Variants in ZBED5 observed in about 807,000 individuals in gnomAD.
ZBED5 encodes the protein zinc finger BED domain-containing protein 5.
A neutral mutation model predicts 49.2 loss-of-function variants in ZBED5; 29 were observed. The observed-to-expected ratio is 0.59, with a 90% CI of 0.44 to 0.80. The LOEUF is 0.80. Among genes scored for constraint, ZBED5 ranks in the 30% least tolerant of loss-of-function variants. The pLI, the probability that ZBED5 is intolerant of heterozygous loss-of-function variation, is 0.00. For missense variants in ZBED5, 775 were observed against 812.9 expected (o/e 0.95, Z 0.57); for synonymous variants, 281 against 292.5 (o/e 0.96, Z 0.40).
In ZBED5 at chr11:10,853,711, AAT is replaced by A; in HGVS notation, c.1233_1234del (p.Leu412LysfsTer5). On this transcript the variant is annotated frameshift_variant, in exon 3 of 3. Transcript: ENST00000413761. LOFTEE classifies it high-confidence loss of function. This position sits in a 1 kb window ranked among gnomAD's most constrained non-coding sequence, Gnocchi z 5.4. ...ACCCATTTCCTCACATAAAATTTTTAATAGTCTGGATTGATGTGGTCGAGCTT... is the reference window on the plus strand; with the variant it reads ...ACCCATTTCCTCACATAAAATTTTTAAGTCTGGATTGATGTGGTCGAGCTT... 6.4e-7 allele frequency: 1 copy of A among 1,551,632 alleles called. No homozygotes were observed. Among genetic ancestry groups the A allele is most frequent in the East Asian group, 2.4e-5 (1 of 40,916 alleles).
chr11:10,853,259 A>G lies in ZBED5; in HGVS notation c.1687T>C (p.Tyr563His). ...TTATTGTCATTTGTTACAGGAAAGTATTTTAACAGAGTAGCGCGCAAACCC... is the reference window on the plus strand; with the variant it reads ...TTATTGTCATTTGTTACAGGAAAGTGTTTTAACAGAGTAGCGCGCAAACCC... ...LRGLRATLLK[Y>H]FPVTNDNNAW... The change falls in exon 3 of 3, where the codon TAC (tyrosine) becomes CAC (histidine). Residue 563 changes from tyrosine (Y) to histidine (H), a missense_variant. By Grantham distance (83) the Tyr-to-His change is moderately conservative (BLOSUM62 2). Coordinates refer to ENST00000413761, the MANE Select transcript of ZBED5 (RefSeq NM_001143667.2). The surrounding 1 kb of genome is among the most constrained non-coding windows in gnomAD (Gnocchi z 5.4). 2 of 1,551,600 alleles carry G rather than the reference A, an allele frequency of 1.3e-6. No homozygotes were observed. Among genetic ancestry groups the G allele is most frequent in the Non-Finnish European group, 1.7e-6 (2 of 1,146,894 alleles).
rs1375242934 is a variant in ZBED5 at position 10,855,445 on chromosome 11, A to G, written c.-141-359T>C. 1.3e-5 allele frequency among the ~76,000 whole-genome samples: 2 copies of G among 152,210 alleles called. No homozygotes were observed. Among genetic ancestry groups the G allele is most frequent in the Non-Finnish European group, 2.9e-5 (2 of 68,034 alleles). On this transcript the variant is annotated intron_variant, in intron 2 of 2. Coordinates refer to ENST00000413761, the MANE Select transcript of ZBED5 (RefSeq NM_001143667.2). The surrounding 1 kb of genome is among the most constrained non-coding windows in gnomAD (Gnocchi z 4.1). Reference sequence around the variant, plus strand: ...TGACAGCAGCCATAGACAATACATGAAAGAATGGACACAGGTGTGTTCCAA... The same window carrying G: ...TGACAGCAGCCATAGACAATACATGGAAGAATGGACACAGGTGTGTTCCAA...
Position 10,854,030 on chromosome 11 carries a change from G to A in ZBED5, c.916C>T (p.Leu306Phe), listed in dbSNP as rs1204581092. 1.3e-6 allele frequency: 2 copies of A among 1,551,234 alleles called. No homozygotes were observed. Among genetic ancestry groups the A allele is most frequent in the African/African-American group, 1.4e-5 (1 of 72,910 alleles). The change falls in exon 3 of 3, where the codon CTC (leucine) becomes TTC (phenylalanine). Residue 306 changes from leucine to phenylalanine, a missense_variant. Coordinates refer to ENST00000413761, the MANE Select transcript of ZBED5 (RefSeq NM_001143667.2). This position sits in a 1 kb window ranked among gnomAD's most constrained non-coding sequence, Gnocchi z 5.0. ...TTACTTTGCAAAGATTCACACAGGA[G>A]TAGGTCTTCCTCAATAGACTTATTA... is the stretch of plus-strand genomic sequence containing the variant. ...RFNKSIEEDLLLCESLQSNAT... is the reference protein window; with the variant it reads ...RFNKSIEEDLFLCESLQSNAT...
Position 10,855,107 on chromosome 11 carries a change from TA to T in ZBED5, c.-141-22del. 1.2e-6 allele frequency: 1 copy of T among 805,238 alleles called. No individual in the cohort carries two copies. Among genetic ancestry groups the T allele is most frequent in the Non-Finnish European group, 1.9e-6 (1 of 536,764 alleles). The allele number at this position is 805,238 out of a possible 1,614,324, so 49.9% of individuals were successfully genotyped here. A position where few individuals can be genotyped will look rare whatever the true frequency, so the allele number is the denominator to read the frequency against. Reference sequence around the variant, plus strand: ...CTTTTCTTAAAGGTAGATTATCACATAAAAATAAAAGCTATAGAAATGAGTT... The same window carrying T: ...CTTTTCTTAAAGGTAGATTATCACATAAAATAAAAGCTATAGAAATGAGTT... On this transcript the variant is annotated intron_variant, in intron 2 of 2. Transcript: ENST00000413761. This position sits in a 1 kb window ranked among gnomAD's most constrained non-coding sequence, Gnocchi z 4.1.
In ZBED5 at chr11:10,853,604, G is replaced by A. The variant is rs1347817128; in HGVS notation, c.1342C>T (p.Arg448Cys). Residue 448 changes from arginine (R) to cysteine (C), a missense_variant, in exon 3 of 3, where the codon CGT becomes TGT. Coordinates refer to ENST00000413761, the MANE Select transcript of ZBED5 (RefSeq NM_001143667.2). The surrounding 1 kb of genome is among the most constrained non-coding windows in gnomAD (Gnocchi z 5.4). ...TCCATGAAAACCAAAAGTTCACGAC[G>A]AAGTTCAAAAAGTCTTACAAGAACT... ...GKVLVRLFEL[R>C]RELLVFMDSA... The A allele has an allele frequency of 6.4e-7, 1 of 1,551,082 alleles. No individual in the cohort carries two copies. Among genetic ancestry groups the A allele is most frequent in the South Asian group, 1.2e-5 (1 of 83,976 alleles).
Position 10,854,872 on chromosome 11 carries a change from A to C in ZBED5, c.74T>G (p.Leu25Ter). 6.4e-7 allele frequency: 1 copy of C among 1,551,842 alleles called. No homozygotes were observed. The highest frequency in any genetic ancestry group is 8.7e-7 in the Non-Finnish European group (1 of 1,146,960). Reference sequence around the variant, plus strand: ...TGAGTTTGTGGTACAAAACATGGTTAATTTAGAATAGACATTGAGTATCGC... The same window carrying C: ...TGAGTTTGTGGTACAAAACATGGTTCATTTAGAATAGACATTGAGTATCGC... ...TFAILNVYSK[L>*]TMFCTTNSLP... Residue 25 changes from leucine (L) to a stop codon, truncating the protein, a stop_gained, in exon 3 of 3, where the codon TTA becomes TGA. Coordinates refer to ENST00000413761, the MANE Select transcript of ZBED5 (RefSeq NM_001143667.2). LOFTEE classifies it high-confidence loss of function. This position sits in a 1 kb window ranked among gnomAD's most constrained non-coding sequence, Gnocchi z 5.0.
At position 10,854,956 on chromosome 11, in the gene ZBED5, A is replaced by T. The variant is rs535858854; in HGVS notation, c.-11T>A. The T allele has an allele frequency of 7.8e-6, 12 of 1,544,228 alleles. No homozygotes were observed. In the East Asian group the frequency reaches 2.9e-4, roughly 38 times the overall value. ...AAGAGGAGCAATCATCAAAGAGATG[A>T]TATACAGCAACACATCAGTTAATTT... On this transcript the variant is annotated 5_prime_UTR_variant, in exon 3 of 3. Transcript: ENST00000413761. The surrounding 1 kb of genome is among the most constrained non-coding windows in gnomAD (Gnocchi z 5.0).
rs1412050476 is a variant in ZBED5 at position 10,853,940 on chromosome 11, C to T, written c.1006G>A (p.Glu336Lys). The T allele has an allele frequency of 1.3e-6, 2 of 1,551,544 alleles. No individual in the cohort carries two copies. The highest frequency in any genetic ancestry group is 2.7e-5 in the African/African-American group (2 of 73,144). The change falls in exon 3 of 3, where the codon GAA becomes AAA. Residue 336 changes from glutamate (E) to lysine (K), a missense_variant. Transcript: ENST00000413761. This position sits in a 1 kb window ranked among gnomAD's most constrained non-coding sequence, Gnocchi z 5.4. ...SFMQKHEIEW[E>K]KCVDVCSDAS... ...TCACTACAAACATCAACACATTTTT[C>T]CCATTCAATTTCATGTTTCTGCATA...
rs779339412 is a variant in ZBED5 at position 10,854,346 on chromosome 11, T to C, written c.600A>G (p.Val200=). 1.8e-5 allele frequency: 28 copies of C among 1,550,762 alleles called. No individual in the cohort carries two copies. In the South Asian group the frequency reaches 3.0e-4, roughly 16 times the overall value. Residue 200 remains valine, a synonymous_variant, in exon 3 of 3, where the codon GTA becomes GTG. Coordinates refer to ENST00000413761, the MANE Select transcript of ZBED5 (RefSeq NM_001143667.2). This position sits in a 1 kb window ranked among gnomAD's most constrained non-coding sequence, Gnocchi z 5.0. The part of the protein sequence containing the change: ...NESATEASYN[V]SYHIALSGEA... ...CTCCACTCAGCGCTATATGGTAACT[T>C]ACATTGTATGATGCTTCTGTAGCAC... is the stretch of plus-strand genomic sequence containing the variant.
chr11:10,852,997 T>C lies in ZBED5; in HGVS notation c.1949A>G (p.Tyr650Cys). ...TMHLCETGFS[Y>C]YAATKTKYRK... ...ATATTTTGTTTTTGTTGCAGCGTAA[T>C]ATGAAAACCCCGTTTCACACAGGTG... The change falls in exon 3 of 3, where the codon TAT (tyrosine) becomes TGT (cysteine). Residue 650 changes from tyrosine (Y) to cysteine (C), a missense_variant. Coordinates refer to ENST00000413761, the MANE Select transcript of ZBED5 (RefSeq NM_001143667.2). The C allele has an allele frequency of 3.2e-6, 5 of 1,551,670 alleles. No homozygotes were observed. The highest frequency in any genetic ancestry group is 1.2e-5 in the South Asian group (1 of 84,062).
Position 10,855,119 on chromosome 11 carries a change from C to A in ZBED5, c.-141-33G>T. On this transcript the variant is annotated intron_variant, in intron 2 of 2. Coordinates refer to ENST00000413761, the MANE Select transcript of ZBED5 (RefSeq NM_001143667.2). The surrounding 1 kb of genome is among the most constrained non-coding windows in gnomAD (Gnocchi z 4.1). ...GTAGATTATCACATAAAAATAAAAGCTATAGAAATGAGTTTAGCAGTCTTA... is the reference window on the plus strand; with the variant it reads ...GTAGATTATCACATAAAAATAAAAGATATAGAAATGAGTTTAGCAGTCTTA... 2.6e-6 allele frequency: 2 copies of A among 763,844 alleles called. No individual in the cohort carries two copies. The highest frequency in any genetic ancestry group is 4.0e-6 in the Non-Finnish European group (2 of 501,880). The allele number at this position is 763,844 out of a possible 1,614,324, so 47.3% of individuals were successfully genotyped here.
chr11:10,853,210 G>A lies in ZBED5; in HGVS notation c.1736C>T (p.Thr579Ile), dbSNP rs1424796000. The change falls in exon 3 of 3, where the codon ACA becomes ATA. Residue 579 changes from threonine to isoleucine, a missense_variant. Coordinates refer to ENST00000413761, the MANE Select transcript of ZBED5 (RefSeq NM_001143667.2). The surrounding 1 kb of genome is among the most constrained non-coding windows in gnomAD (Gnocchi z 5.4). Reference sequence around the variant, plus strand: ...TAATGAAGCTGGTTTAACAGTAACTGTAAATGGATTTCTAACCCAAGCATT... The same window carrying A: ...TAATGAAGCTGGTTTAACAGTAACTATAAATGGATTTCTAACCCAAGCATT... ...DNNAWVRNPF[T>I]VTVKPASLVA... is the part of the protein sequence containing the mutation. The A allele has an allele frequency of 1.9e-6, 3 of 1,551,568 alleles. No homozygotes were observed. The highest frequency in any genetic ancestry group is 2.6e-6 in the Non-Finnish European group (3 of 1,146,896).
In ZBED5 at chr11:10,858,023, T is replaced by G. The variant is rs1164101703; in HGVS notation, c.-417A>C. The G allele has an allele frequency of 3.3e-6, 1 of 302,216 alleles. No homozygotes were observed. Among genetic ancestry groups the G allele is most frequent in the East Asian group, 5.4e-5 (1 of 18,674 alleles). The allele number at this position is 302,216 out of a possible 1,614,324, so 18.7% of individuals were successfully genotyped here. On this transcript the variant is annotated 5_prime_UTR_variant, in exon 1 of 3. Transcript: ENST00000413761. The stretch of plus-strand genomic sequence containing the variant: ...ATCGCCTAGGCCATCTCCATAGAGA[T>G]CCGATTCGCGGCTGGCGCGGTCGCC...
chr11:10,855,837 A>G lies in ZBED5; in HGVS notation c.-142+307T>C, dbSNP rs947260832. 2 of 152,182 alleles carry G rather than the reference A, an allele frequency of 1.3e-5. No individual in the cohort carries two copies. Among genetic ancestry groups the G allele is most frequent in the Non-Finnish European group, 2.9e-5 (2 of 68,028 alleles). The allele number at this position is 152,182 out of a possible 1,614,324, so 9.4% of individuals were successfully genotyped here. ...ATGAAAGTAATGTATATTTTTACAGATAACTCTGCATTCTATTTATACAAC... is the reference window on the plus strand; with the variant it reads ...ATGAAAGTAATGTATATTTTTACAGGTAACTCTGCATTCTATTTATACAAC... On this transcript the variant is annotated intron_variant, in intron 2 of 2. Coordinates refer to ENST00000413761, the MANE Select transcript of ZBED5 (RefSeq NM_001143667.2). The surrounding 1 kb of genome is among the most constrained non-coding windows in gnomAD (Gnocchi z 4.1).
In ZBED5 at chr11:10,853,734, A is replaced by G. The variant is rs1309907341; in HGVS notation, c.1212T>C (p.Ala404=). 6.4e-7 allele frequency: 1 copy of G among 1,551,596 alleles called. No homozygotes were observed. Among genetic ancestry groups the G allele is most frequent in the South Asian group, 1.2e-5 (1 of 84,050 alleles). Residue 404 remains alanine (A), a synonymous_variant, in exon 3 of 3, where the codon GCT becomes GCC. Transcript: ENST00000413761. This position sits in a 1 kb window ranked among gnomAD's most constrained non-coding sequence, Gnocchi z 5.4. ...TTAATAGTCTGGATTGATGTGGTCG[A>G]GCTTTAATATAATTGATGATTTGTA... The part of the protein sequence containing the change: ...QAVQIINYIK[A]RPHQSRLLKI...
rs1848196433 is a variant in ZBED5 at position 10,857,329 on chromosome 11, T to C, written c.-256+533A>G. The stretch of plus-strand genomic sequence containing the variant: ...GAAGAGCGGGGAAAACTTCCGTCTT[T>C]AGTCTCCTTCCGGTTAAACTGACAA... On this transcript the variant is annotated intron_variant, in intron 1 of 2. Coordinates refer to ENST00000413761, the MANE Select transcript of ZBED5 (RefSeq NM_001143667.2). The surrounding 1 kb of genome is among the most constrained non-coding windows in gnomAD (Gnocchi z 6.3). 1.3e-5 allele frequency: 2 copies of C among 152,230 alleles called. No individual in the cohort carries two copies. Among genetic ancestry groups the C allele is most frequent in the African/African-American group, 2.4e-5 (1 of 41,444 alleles). 9.4% of individuals were successfully genotyped at this position (152,230 alleles called of 1,614,324 possible). A position where few individuals can be genotyped will look rare whatever the true frequency, so the allele number is the denominator to read the frequency against.
Position 10,854,934 on chromosome 11 carries a change from A to G in ZBED5, c.12T>C (p.Pro4=). The G allele has an allele frequency of 6.5e-7, 1 of 1,548,936 alleles. No individual in the cohort carries two copies. Among genetic ancestry groups the G allele is most frequent in the Non-Finnish European group, 8.7e-7 (1 of 1,144,982 alleles). ...AATTATAAGACAGGATACAAAGAAG[A>G]GGAGCAATCATCAAAGAGATGATAT... is the stretch of plus-strand genomic sequence containing the variant. The part of the protein sequence containing the change: MIA[P]LLCILSYNFN... The change falls in exon 3 of 3, where the codon CCT becomes CCC. Residue 4 remains proline (P), a synonymous_variant. Coordinates refer to ENST00000413761, the MANE Select transcript of ZBED5 (RefSeq NM_001143667.2). This position sits in a 1 kb window ranked among gnomAD's most constrained non-coding sequence, Gnocchi z 5.0.
Position 10,854,297 on chromosome 11 carries a change from G to C in ZBED5, c.649C>G (p.Leu217Val). 6.4e-7 allele frequency: 1 copy of C among 1,550,848 alleles called. No homozygotes were observed. Among genetic ancestry groups the C allele is most frequent in the Non-Finnish European group, 8.7e-7 (1 of 1,146,902 alleles). ...ACATCTTTTGCACAAGGTTTGATAA[G>C]CAATTCTCCAATAGTATGAGCCTCT... Reference protein sequence around the residue: ...SGEAHTIGELLIKPCAKDVVM... With the variant: ...SGEAHTIGELVIKPCAKDVVM... The change falls in exon 3 of 3, where the codon CTT becomes GTT. Residue 217 changes from leucine (L) to valine (V), a missense_variant. By Grantham distance (32) the Leu-to-Val change is conservative. Coordinates refer to ENST00000413761, the MANE Select transcript of ZBED5 (RefSeq NM_001143667.2). This position sits in a 1 kb window ranked among gnomAD's most constrained non-coding sequence, Gnocchi z 5.0.
At position 10,855,697 on chromosome 11, in the gene ZBED5, C is replaced by A. The variant is rs191124880; in HGVS notation, c.-142+447G>T. 1 of 152,186 alleles carries A rather than the reference C, an allele frequency of 6.6e-6. No individual in the cohort carries two copies. The highest frequency in any genetic ancestry group is 2.4e-5 in the African/African-American group (1 of 41,434). The allele number at this position is 152,186 out of a possible 1,614,324, so 9.4% of individuals were successfully genotyped here. On this transcript the variant is annotated intron_variant, in intron 2 of 2. Coordinates refer to ENST00000413761, the MANE Select transcript of ZBED5 (RefSeq NM_001143667.2). This position sits in a 1 kb window ranked among gnomAD's most constrained non-coding sequence, Gnocchi z 4.1. ...AAGTTTTGCGAGATACATAATTCTA[C>A]TGTATCCTAAATGTTATGCGTTAAC...
Sources: gnomAD v4.1 joint callset for allele counts (sites outside exome capture counted in the v4.1 genomes callset) on GRCh38, gnomAD v4.1.1 for gene constraint, Gnocchi (gnomAD v3.1) non-coding constraint, MANE v1.5 for transcripts, NCBI Gene and HGNC (gene_info 2026-07-23, HGNC 2026-07-21) for gene names.